The following RGS6 variants were observed in gnomAD, a reference collection of about 807,000 sequenced individuals.
RGS6 encodes the protein regulator of G protein signaling 6, also known as regulator of G-protein signaling 6.
Under a neutral mutation model 78.5 loss-of-function variants are expected in RGS6, and 30 were observed. The observed-to-expected ratio is 0.38, with a 90% confidence interval of 0.29 to 0.52. The LOEUF is 0.52. Ranked by LOEUF, RGS6 falls within the 20% of genes least tolerant of loss-of-function variation. The probability of loss-of-function intolerance (pLI) is 0.85; values close to 1 mark genes in which losing one functional copy is unlikely to be tolerated. For synonymous variants in RGS6, 206 were observed against 206.0 expected, an observed-to-expected ratio of 1.00 and a Z score of 0.00; for missense variants, 495 against 609.7, an observed-to-expected ratio of 0.81 and a Z score of 1.98.
chr14:72,195,207 C>G (rs1323914304), intron 2 of RGS6, among the ~76,000 whole-genome samples: 1 of 138,714 alleles, frequency 7.2e-6, no homozygotes. Context: ...AACTCCATCT[C>G]AAAAAAAAAA....
At chr14:72,396,458 G>C (rs1338535992) in intron 3 of RGS6, among the ~76,000 whole-genome samples, 1 of 152,152 alleles carries the variant, frequency 6.6e-6, no homozygotes, top group African/African-American at 2.4e-5. Flanking sequence ...TTTGTCAGAT[G>C]AGTAGGTTGC....
the RGS6 span, among the ~76,000 whole-genome samples, chr14:71,911,687 G>A: frequency 1.3e-5 from 2 of 152,172 alleles, no homozygotes; most frequent in African/African-American, 4.8e-5. Flanking sequence ...GACTCTACTT[G>A]TCAACTGAAG....
At chr14:72,024,421 C>A (rs150428975) in intron 2 of RGS6, among the ~76,000 whole-genome samples, 7 of 152,306 alleles carry the variant, frequency 4.6e-5, no homozygotes, top group African/African-American at 1.7e-4. Flanking sequence ...AAAACCAGTT[C>A]TATCCCAGGC....
chr14:72,067,622 A>C (rs1451679501), intron 2 of RGS6, among the ~76,000 whole-genome samples: 3 of 152,232 alleles, frequency 2.0e-5, no homozygotes, highest in African/African-American at 7.2e-5. Flanking sequence ...GAATAACTTC[A>C]CATCAGTTCA....
chr14:72,519,718 G>A (rs1279216559), intron 15 of RGS6, among the ~76,000 whole-genome samples: 1 of 152,166 alleles, frequency 6.6e-6, no homozygotes, highest in African/African-American at 2.4e-5. Context: ...AGAGCTCTTT[G>A]CTGAGATATT....
chr14:72,541,053 C>A, intron 17 of RGS6: 2 of 1,336,560 alleles, frequency 1.5e-6, no homozygotes, highest in East Asian at 4.7e-5. Flanking sequence ...TACTCAATCC[C>A]GCTCAATCAC....
chr14:72,237,373 T>C (rs2051385083), intron 2 of RGS6, among the ~76,000 whole-genome samples: 1 of 151,788 alleles, frequency 6.6e-6, no homozygotes, highest in South Asian at 2.1e-4. Context: ...TCCTGGAATA[T>C]GTAGTCTTAG....
chr14:71,967,287 T>A (rs1441611773), intron 2 of RGS6, among the ~76,000 whole-genome samples: 1 of 151,780 alleles, frequency 6.6e-6, no homozygotes, highest in African/African-American at 2.4e-5. Flanking sequence ...GAAGACACAC[T>A]TATTGCACAG....
At chr14:72,042,371 C>T (rs1170452940) in intron 2 of RGS6, among the ~76,000 whole-genome samples, 1 of 152,006 alleles carries the variant, frequency 6.6e-6, no homozygotes, top group Non-Finnish European at 1.5e-5. Context: ...TCAGATGATC[C>T]TCCTGCTTCG....
At chr14:72,130,818 CTA>C (rs2096298033) in intron 2 of RGS6, among the ~76,000 whole-genome samples, 1 of 152,142 alleles carries the variant, frequency 6.6e-6, no homozygotes, top group Non-Finnish European at 1.5e-5. Context: ...AAAGCTAATG[CTA>C]TGTCTTACGT....
Position 72,547,227 on chromosome 14 carries a change from C to T in RGS6, c.1422+7133C>T, listed in dbSNP as rs1310864159. On this transcript the variant is annotated intron_variant, in intron 17 of 17. Coordinates refer to ENST00000553525, the MANE Select transcript of RGS6 (RefSeq NM_001204424.2). ...CAGAGGGGGCCAGAGAAAGAGCATCCAATGGCAGGAGTCTGGCAAGGCGAC... is the reference window on the plus strand; with the variant it reads ...CAGAGGGGGCCAGAGAAAGAGCATCTAATGGCAGGAGTCTGGCAAGGCGAC... 4 of 1,535,614 alleles carry T rather than the reference C, an allele frequency of 2.6e-6. No individual in the cohort carries two copies. In the Admixed American group the frequency reaches 5.9e-5, roughly 23 times the overall value.
chr14:72,555,805 A>G (rs1387954101), intron 17 of RGS6, among the ~76,000 whole-genome samples: 1 of 152,232 alleles, frequency 6.6e-6, no homozygotes, highest in Non-Finnish European at 1.5e-5. Flanking sequence ...GGGTGCTTGT[A>G]AAATGCCTCG....
At chr14:72,007,688 C>T (rs1423095532) in intron 2 of RGS6, among the ~76,000 whole-genome samples, 6 of 152,178 alleles carry the variant, frequency 3.9e-5, no homozygotes, top group African/African-American at 1.4e-4. Context: ...GGACGAAGGG[C>T]TTGCCTTACA....
At chr14:71,901,585 T>C in the RGS6 span, among the ~76,000 whole-genome samples, 1 of 152,188 alleles carries the variant, frequency 6.6e-6, no homozygotes, top group Admixed American at 6.5e-5. Flanking sequence ...AGAGACAATA[T>C]ACTCAGTTCA....
intron 3 of RGS6, among the ~76,000 whole-genome samples, chr14:72,362,690 G>C (rs538678225): frequency 6.6e-6 from 1 of 152,282 alleles, no homozygotes; most frequent in South Asian, 2.1e-4. Flanking sequence ...TAGGGCCTAG[G>C]CTCCAGAACT....
intron 2 of RGS6, among the ~76,000 whole-genome samples, chr14:72,113,474 C>T (rs2095817963): frequency 6.6e-6 from 1 of 152,206 alleles, no homozygotes; most frequent in South Asian, 2.1e-4. Context: ...AGACCTACAT[C>T]CTGCTTCAAC....
chr14:72,356,475 A>T (rs188327461), intron 3 of RGS6, among the ~76,000 whole-genome samples: 1 of 152,284 alleles, frequency 6.6e-6, no homozygotes, highest in African/African-American at 2.4e-5. Context: ...ATTCTTTATA[A>T]CAGTGTGAAA....
intron 13 of RGS6, among the ~76,000 whole-genome samples, chr14:72,499,809 G>C (rs1402606692): frequency 1.3e-5 from 2 of 151,986 alleles, no homozygotes; most frequent in African/African-American, 4.8e-5. Context: ...CCCTTCCTCA[G>C]AAGGGCTTTC....
At chr14:72,071,182 A>G (rs1356712860) in intron 2 of RGS6, among the ~76,000 whole-genome samples, 1 of 152,116 alleles carries the variant, frequency 6.6e-6, no homozygotes, top group Non-Finnish European at 1.5e-5. Context: ...ATCTTTTGCA[A>G]TTTGGTTTCC....
Sources: allele counts gnomAD v4.1 joint callset (sites outside exome capture counted in the v4.1 genomes callset), GRCh38; gene constraint gnomAD v4.1.1; transcripts MANE v1.5; gene names NCBI Gene and HGNC (gene_info 2026-07-23, HGNC 2026-07-21).